The following CDH13 variants were observed in gnomAD, a reference collection of about 807,000 sequenced individuals.
The protein encoded by CDH13 is cadherin 13, also known as cadherin-13.
CDH13 carries 24 observed loss-of-function variants against 63.8 expected under a neutral mutation model. The observed-to-expected ratio is 0.38, with a 90% CI of 0.27 to 0.53. The LOEUF (loss-of-function observed/expected upper bound fraction) is 0.53. CDH13 is among the 20% of genes least tolerant of loss of function. The pLI is 0.85. For missense variants in CDH13, 1,049 were observed against 903.1 expected, an observed-to-expected ratio of 1.16 and a Z score of -2.07; for synonymous variants, 503 against 355.3, an observed-to-expected ratio of 1.42 and a Z score of -4.67.
intron 3 of CDH13, among the ~76,000 whole-genome samples, chr16:83,079,950 G>T (rs183471175): frequency 6.6e-6 from 1 of 152,300 alleles, no homozygotes; most frequent in African/African-American, 2.4e-5. Flanking sequence ...AAGTTGAGTC[G>T]CACATTTCAG....
In CDH13 at chr16:83,608,263, G is replaced by T. The variant is rs559478127; in HGVS notation, c.1101+5669G>T. The stretch of plus-strand genomic sequence containing the variant: ...AAAACTTATAAGATCCTGTCCTCCA[G>T]CTGGAAAATGAGAGATGGGCAAATG... On this transcript the variant is annotated intron_variant, in intron 8 of 13. Transcript: ENST00000567109. 7.9e-5 allele frequency among the ~76,000 whole-genome samples: 12 copies of T among 152,262 alleles called. No individual in the cohort carries two copies. In the South Asian group the frequency reaches 2.3e-3, roughly 29 times the overall value.
intron 4 of CDH13, among the ~76,000 whole-genome samples, chr16:83,210,581 C>T (rs1295412483): frequency 1.3e-5 from 2 of 151,912 alleles, no homozygotes; most frequent in South Asian, 2.1e-4. Context: ...GCTCTGAGGA[C>T]AAAGCAGACA....
chr16:82,790,919 A>G (rs964233897), intron 1 of CDH13, among the ~76,000 whole-genome samples: 1 of 152,216 alleles, frequency 6.6e-6, no homozygotes, highest in African/African-American at 2.4e-5. Flanking sequence ...AGACAGGACT[A>G]GCTGGATTTC....
intron 5 of CDH13, among the ~76,000 whole-genome samples, chr16:83,314,519 A>G (rs1373555711): frequency 6.6e-6 from 1 of 152,150 alleles, no homozygotes; most frequent in East Asian, 1.9e-4. Flanking sequence ...ATGCCTCATC[A>G]TGGAAAGACT....
intron 5 of CDH13, among the ~76,000 whole-genome samples, chr16:83,309,929 C>G (rs773453265): frequency 6.6e-6 from 1 of 151,986 alleles, no homozygotes; most frequent in Non-Finnish European, 1.5e-5. Flanking sequence ...GAAAGTGGCT[C>G]TCCCTCAGCA....
intron 2 of CDH13, among the ~76,000 whole-genome samples, chr16:82,993,665 C>A (rs576220734): frequency 6.6e-6 from 1 of 152,266 alleles, no homozygotes; most frequent in African/African-American, 2.4e-5. Context: ...GAGGATGCTG[C>A]TTCTCGGATG....
chr16:82,866,715 T>A (rs1052079233), intron 2 of CDH13, among the ~76,000 whole-genome samples: 4 of 152,110 alleles, frequency 2.6e-5, no homozygotes, highest in Admixed American at 2.6e-4. Context: ...GGGGAGGCCT[T>A]AGAAAACTTA....
chr16:83,017,520 A>C (rs1914923662), intron 2 of CDH13, among the ~76,000 whole-genome samples: 1 of 152,244 alleles, frequency 6.6e-6, no homozygotes, highest in South Asian at 2.1e-4. Flanking sequence ...TGTGACCTTA[A>C]GAAATGTTCT....
chr16:82,644,269 C>G lies in CDH13; in HGVS notation c.45+17132C>G, dbSNP rs574803104. Among the ~76,000 whole-genome samples the G allele has an allele frequency of 6.2e-4, 95 of 152,166 alleles. No individual in the cohort carries two copies. The highest frequency in any genetic ancestry group is 3.4e-3 in the Middle Eastern group (1 of 294). ...AAGGTCTAAGGCTGGGAAAGGAGCTCCCACTTCTTACATTCAGTGCTCATC... is the reference window on the plus strand; with the variant it reads ...AAGGTCTAAGGCTGGGAAAGGAGCTGCCACTTCTTACATTCAGTGCTCATC... On this transcript the variant is annotated intron_variant, in intron 1 of 13. Transcript: ENST00000567109. The surrounding 1 kb of genome is among the most constrained non-coding windows in gnomAD (Gnocchi z 5.7).
At chr16:82,699,660 A>T (rs901509805) in intron 1 of CDH13, among the ~76,000 whole-genome samples, 1 of 152,242 alleles carries the variant, frequency 6.6e-6, no homozygotes, top group Admixed American at 6.5e-5. Context: ...AAATGTAATC[A>T]GTACACACAT....
At chr16:83,014,775 T>G in intron 2 of CDH13, among the ~76,000 whole-genome samples, 2 of 28,936 alleles carry the variant, frequency 6.9e-5, no homozygotes, top group South Asian at 1.4e-3. Context: ...TATATATATA[T>G]GTATATATAT....
intron 2 of CDH13, among the ~76,000 whole-genome samples, chr16:83,023,418 C>T (rs1045410638): frequency 6.6e-6 from 1 of 151,976 alleles, no homozygotes; most frequent in Non-Finnish European, 1.5e-5. Context: ...TATTTTTTGC[C>T]TTCCAGAAGT....
chr16:83,576,486 T>A (rs1567778357), intron 7 of CDH13, among the ~76,000 whole-genome samples: 1 of 152,258 alleles, frequency 6.6e-6, no homozygotes, highest in Admixed American at 6.5e-5. Context: ...ATGTATTTCT[T>A]TGAGTGCCTG....
At chr16:83,455,618 C>T (rs561127797) in intron 6 of CDH13, among the ~76,000 whole-genome samples, 41 of 152,306 alleles carry the variant, frequency 2.7e-4, no homozygotes, top group Non-Finnish European at 4.1e-4. Flanking sequence ...TCCTCAAAGG[C>T]TTTCTGGTAT....
chr16:82,976,966 GGCT>G (rs1909602648), intron 2 of CDH13, among the ~76,000 whole-genome samples: 1 of 152,138 alleles, frequency 6.6e-6, no homozygotes, highest in South Asian at 2.1e-4. Context: ...CCATCAGTCT[GGCT>G]TTGTCCTGTC....
rs1039324461 is a variant in CDH13 at position 83,047,153 on chromosome 16, A to G, written c.366+14935A>G. Among the ~76,000 whole-genome samples, 1 of 152,130 alleles carries G rather than the reference A, an allele frequency of 6.6e-6. No individual in the cohort carries two copies. The highest frequency in any genetic ancestry group is 1.5e-5 in the Non-Finnish European group (1 of 68,032). On this transcript the variant is annotated intron_variant, in intron 3 of 13. Coordinates refer to ENST00000567109, the MANE Select transcript of CDH13 (RefSeq NM_001257.5). The surrounding 1 kb of genome is among the most constrained non-coding windows in gnomAD (Gnocchi z 4.9). Reference sequence around the variant, plus strand: ...TTAAACAGTAGTAGTTCTCCGTGAGACCCAAGGAAAGGTCTGCAGACTATA... The same window carrying G: ...TTAAACAGTAGTAGTTCTCCGTGAGGCCCAAGGAAAGGTCTGCAGACTATA...
intron 2 of CDH13, among the ~76,000 whole-genome samples, chr16:83,004,364 G>T (rs1390581675): frequency 6.6e-6 from 1 of 152,136 alleles, no homozygotes; most frequent in Non-Finnish European, 1.5e-5. Flanking sequence ...TTAGGATATT[G>T]GCTAACAGCT....
intron 2 of CDH13, among the ~76,000 whole-genome samples, chr16:83,023,423 A>T (rs961758954): frequency 6.6e-6 from 1 of 152,182 alleles, no homozygotes; most frequent in Non-Finnish European, 1.5e-5. Context: ...TTTGCCTTCC[A>T]GAAGTTATTT....
chr16:83,437,375 G>T (rs565105255), intron 6 of CDH13, among the ~76,000 whole-genome samples: 31 of 152,132 alleles, frequency 2.0e-4, no homozygotes, highest in Non-Finnish European at 3.4e-4. Flanking sequence ...GTACATATTC[G>T]ATTAATAAGA....
Sources: gnomAD v4.1 joint callset for allele counts (sites outside exome capture counted in the v4.1 genomes callset) on GRCh38, gnomAD v4.1.1 for gene constraint, Gnocchi (gnomAD v3.1) non-coding constraint, MANE v1.5 for transcripts, NCBI Gene and HGNC (gene_info 2026-07-23, HGNC 2026-07-21) for gene names.